The following FAM90A1 variants were observed in gnomAD, a reference collection of about 807,000 sequenced individuals.
FAM90A1 encodes the protein protein FAM90A1.
In FAM90A1, 10 loss-of-function variants were observed where a neutral mutation model predicts 14.8. That is an observed-to-expected ratio of 0.67 (90% CI 0.42 to 1.14). The LOEUF is 1.14. Ranked by LOEUF, FAM90A1 falls within the 50% of genes most tolerant of loss-of-function variation. FAM90A1 has a pLI of 0.00. For synonymous variants in FAM90A1, 236 were observed against 248.4 expected (o/e 0.95, Z 0.47); for missense variants, 567 against 602.8 (o/e 0.94, Z 0.62).
chr12:8,225,015 A>C (rs1948915064), intron 3 of FAM90A1, 127 bp from the exon 4 acceptor site: 2 of 666,976 alleles, frequency 3.0e-6, no homozygotes, highest in South Asian at 3.6e-5. Flanking sequence ...AGTCGGTCAA[A>C]TCTGTGGAAC....
In FAM90A1 at chr12:8,221,561, C is replaced by A. The variant is rs1406786062; in HGVS notation, c.*261G>T. ...GCGCGTCATGCAGTTTCTGAGGCAA[C>A]GAATCACTGGCACGGAAGCTTTTCC... On this transcript the variant is annotated 3_prime_UTR_variant, in exon 7 of 7. Transcript: ENST00000538603. 5.4e-6 allele frequency: 3 copies of A among 551,788 alleles called. No homozygotes were observed. The highest frequency in any genetic ancestry group is 3.1e-5 in the Admixed American group (1 of 32,342). The allele number at this position is 551,788 out of a possible 1,614,324, so 34.2% of individuals were successfully genotyped here. A position where few individuals can be genotyped will look rare whatever the true frequency, so the allele number is the denominator to read the frequency against.
rs1948857787 is a variant in FAM90A1, at chr12:8,222,596, C to T, written c.621G>A (p.Ala207=). The change falls in exon 7 of 7, where the codon GCG becomes GCA. Residue 207 remains alanine, a synonymous_variant. Coordinates refer to ENST00000538603, the MANE Select transcript of FAM90A1 (RefSeq NM_018088.3). ...LGPKERQTGA[A]ADIPQTAVRH... Reference sequence around the variant, plus strand: ...TGACTGCAGTCTGAGGGATGTCGGCCGCAGCCCCTGTCTGTCTTTCCTTTG... The same window carrying T: ...TGACTGCAGTCTGAGGGATGTCGGCTGCAGCCCCTGTCTGTCTTTCCTTTG... The T allele has an allele frequency of 4.3e-6, 7 of 1,611,856 alleles. No homozygotes were observed. Among genetic ancestry groups the T allele is most frequent in the African/African-American group, 2.7e-5 (2 of 74,842 alleles).
rs1310901288 is a variant in FAM90A1 at position 8,221,766 on chromosome 12, C to G, written c.*56G>C. On this transcript the variant is annotated 3_prime_UTR_variant, in exon 7 of 7. Transcript: ENST00000538603. ...CTCTGCTCTGTGCTCCTCAGTCCCA[C>G]AGTCCCCTCCAAGTCACGGGAGCTG... 1 of 1,531,168 alleles carries G rather than the reference C, an allele frequency of 6.5e-7. No homozygotes were observed. The highest frequency in any genetic ancestry group is 1.4e-5 in the African/African-American group (1 of 73,146). The allele number at this position is 1,531,168 out of a possible 1,614,324, so 94.8% of individuals were successfully genotyped here. A position where few individuals can be genotyped will look rare whatever the true frequency, so the allele number is the denominator to read the frequency against.
chr12:8,224,763 G>C lies in FAM90A1; in HGVS notation c.70C>G (p.Arg24Gly). Residue 24 changes from arginine to glycine, a missense_variant, in exon 4 of 7, where the codon CGG (arginine) becomes GGG (glycine). Transcript: ENST00000538603. ...GCCCTTGGCCCAACTGGGGCCCTCC[G>C]CTGCTTCTGGAGGGTCTGGGCTCTC... Reference protein sequence around the residue: ...LVRAQTLQKQRRAPVGPRAPP... With the variant: ...LVRAQTLQKQGRAPVGPRAPP... The C allele has an allele frequency of 1.3e-6, 2 of 1,591,114 alleles. No homozygotes were observed. The highest frequency in any genetic ancestry group is 1.7e-6 in the Non-Finnish European group (2 of 1,169,230).
At chr12:8,224,280 A>T in intron 4 of FAM90A1, 65 bp from the exon 5 acceptor site, 1 of 1,321,342 alleles carries the variant, frequency 7.6e-7, no homozygotes, top group South Asian at 1.2e-5. Flanking sequence ...TCCCACGTCA[A>T]CATTGAGACG....
intron 5 of FAM90A1, 136 bp downstream of exon 5, chr12:8,223,880 A>G (rs1948884253): frequency 1.0e-6 from 1 of 957,112 alleles, no homozygotes; most frequent in South Asian, 1.5e-5. Context: ...CGGAAGACAC[A>G]GAGCTCCGGT....
chr12:8,225,228 C>T (rs1412743005), intron 3 of FAM90A1, among the ~76,000 whole-genome samples: 1 of 152,246 alleles, frequency 6.6e-6, no homozygotes, highest in East Asian at 1.9e-4. Flanking sequence ...CTCTATCTCC[C>T]TTGACCGACA....
At position 8,223,557 on chromosome 12, in the gene FAM90A1, C is replaced by G; in HGVS notation, c.324G>C (p.Arg108Ser). 4.6e-6 allele frequency: 7 copies of G among 1,531,112 alleles called. No homozygotes were observed. The highest frequency in any genetic ancestry group is 5.4e-6 in the Non-Finnish European group (6 of 1,105,094). 94.8% of individuals were successfully genotyped at this position (1,531,112 alleles called of 1,614,324 possible). A position where few individuals can be genotyped will look rare whatever the true frequency, so the allele number is the denominator to read the frequency against. ...KDKGEKEERP[R>S]PQDPQRKALL... ...GAGCCTTCCTCTGCGGGTCTTGTGG[C>G]CTGCAGAACAGAAAAAGGTCAGGCC... is the stretch of plus-strand genomic sequence containing the variant. Residue 108 changes from arginine (R) to serine (S), a missense_variant and splice_region_variant, in exon 6 of 7, where the codon AGG becomes AGC. Transcript: ENST00000538603.
chr12:8,225,214 A>G (rs1327801257), intron 3 of FAM90A1, among the ~76,000 whole-genome samples: 46 of 152,100 alleles, frequency 3.0e-4, no homozygotes, highest in African/African-American at 9.2e-4. Context: ...AGAAGACACG[A>G]TGACTCTATC....
At position 8,227,611 on chromosome 12, in the gene FAM90A1, CTG is replaced by C. The variant is rs767627912; in HGVS notation, c.-554_-553del. ...CTGGAAGGGCCCGGATGGGGCCTGA[CTG>C]GAGCTGCCGAGGGGTGGAGCTTCTG... On this transcript the variant is annotated 5_prime_UTR_variant, in exon 1 of 7. Transcript: ENST00000538603. 391 of 1,564,004 alleles carry C rather than the reference CTG, an allele frequency of 2.5e-4. No individual in the cohort carries two copies. In the African/African-American group the frequency reaches 4.9e-3, roughly 20 times the overall value.
chr12:8,222,672 G>A lies in FAM90A1; in HGVS notation c.545C>T (p.Ser182Leu). The A allele has an allele frequency of 6.2e-7, 1 of 1,610,674 alleles. No individual in the cohort carries two copies. Among genetic ancestry groups the A allele is most frequent in the Non-Finnish European group, 8.5e-7 (1 of 1,179,862 alleles). Residue 182 changes from serine (S) to leucine (L), a missense_variant, in exon 7 of 7, where the codon TCA (serine) becomes TTA (leucine). By Grantham distance (145) the Ser-to-Leu change is moderately radical. Transcript: ENST00000538603. ...ACTGGCTTTTCTGAGGGGAGACAGT[G>A]AAGCTAAGACGGAGCCCCTGTCAGA... ...EMSDRGSVLA[S>L]LSPLRKASLS...
intron 1 of FAM90A1, among the ~76,000 whole-genome samples, chr12:8,226,802 C>CTTTTTTTTTTTTTT (rs71042351): frequency 1.1e-4 from 9 of 79,802 alleles, no homozygotes; most frequent in African/African-American, 3.5e-4. Flanking sequence ...TCATTGATGT[C>CTTTTTTTTTTTTTT]TTTTTTTTTT....
chr12:8,224,327 G>A (rs1463004936), intron 4 of FAM90A1, 112 bp from the exon 5 acceptor site: 1 of 959,312 alleles, frequency 1.0e-6, no homozygotes, highest in Non-Finnish European at 1.6e-6. Context: ...ATTCCAAAGA[G>A]GGGACACCGG....
chr12:8,227,491 T>G lies in FAM90A1; in HGVS notation c.-432A>C. The G allele has an allele frequency of 1.4e-6, 1 of 719,136 alleles. No homozygotes were observed. The highest frequency in any genetic ancestry group is 2.9e-5 in the East Asian group (1 of 34,212). 44.5% of individuals were successfully genotyped at this position (719,136 alleles called of 1,614,324 possible). On this transcript the variant is annotated 5_prime_UTR_variant, in exon 1 of 7. Transcript: ENST00000538603. ...AGGCCAGTGCTTACCCCGCCATGTT[T>G]TCAAGCCCGAGGCCAGCTGGCTGCA...
Position 8,222,382 on chromosome 12 carries a change from C to T in FAM90A1, c.835G>A (p.Gly279Ser). ...PCPPAATHSLGLGSNLSFGPG... is the reference protein window; with the variant it reads ...PCPPAATHSLSLGSNLSFGPG... Reference sequence around the variant, plus strand: ...CCGAAGCTGAGATTGGAGCCTAGGCCCAAGCTGTGTGTGGCGGCTGGTGGG... The same window carrying T: ...CCGAAGCTGAGATTGGAGCCTAGGCTCAAGCTGTGTGTGGCGGCTGGTGGG... The change falls in exon 7 of 7, where the codon GGC (glycine) becomes AGC (serine). Residue 279 changes from glycine to serine, a missense_variant. Transcript: ENST00000538603. The T allele has an allele frequency of 6.2e-7, 1 of 1,611,758 alleles. No individual in the cohort carries two copies.
intron 6 of FAM90A1, among the ~76,000 whole-genome samples, chr12:8,223,222 G>A (rs9738367): frequency 0.7 from 106,319 of 151,658 alleles, 40,848 homozygotes; most frequent in East Asian, 0.98. Flanking sequence ...GGAACGTGTT[G>A]TTGGCAGGCT....
At chr12:8,225,211 A>T (rs1261263382) in intron 3 of FAM90A1, among the ~76,000 whole-genome samples, 4 of 152,252 alleles carry the variant, frequency 2.6e-5, no homozygotes, top group Non-Finnish European at 4.4e-5. Context: ...GGTAGAAGAC[A>T]CGATGACTCT....
At chr12:8,227,273 C>T (rs1948963734) in intron 1 of FAM90A1, among the ~76,000 whole-genome samples, 1 of 152,240 alleles carries the variant, frequency 6.6e-6, no homozygotes, top group African/African-American at 2.4e-5. Flanking sequence ...GCTCTCCTCC[C>T]TCCTTTGGCC....
Position 8,227,597 on chromosome 12 carries a change from C to G in FAM90A1, c.-538G>C. ...CTCCTGGGTTGCTTCTGGAAGGGCC[C>G]GGATGGGGCCTGACTGGAGCTGCCG... On this transcript the variant is annotated 5_prime_UTR_variant, in exon 1 of 7. Transcript: ENST00000538603. The G allele has an allele frequency of 6.5e-7, 1 of 1,532,284 alleles. No individual in the cohort carries two copies. The highest frequency in any genetic ancestry group is 8.8e-7 in the Non-Finnish European group (1 of 1,141,042). The allele number at this position is 1,532,284 out of a possible 1,614,324, so 94.9% of individuals were successfully genotyped here.
Sources: allele counts gnomAD v4.1 joint callset (sites outside exome capture counted in the v4.1 genomes callset), GRCh38; gene constraint gnomAD v4.1.1; transcripts MANE v1.5; gene names NCBI Gene and HGNC (gene_info 2026-07-23, HGNC 2026-07-21).